The following NPLOC4 variants were observed in gnomAD, a reference collection of about 807,000 sequenced individuals.
NPLOC4 encodes nuclear protein localization protein 4 homolog.
In NPLOC4, 18 loss-of-function variants were observed where a neutral mutation model predicts 80.6. The ratio of observed to expected loss-of-function variants is 0.22; its 90% confidence interval spans 0.15 to 0.33. The LOEUF (loss-of-function observed/expected upper bound fraction) is 0.33. Ranked by LOEUF, NPLOC4 falls within the 10% of genes least tolerant of loss-of-function variation. The pLI is 1.00. For synonymous variants in NPLOC4, 313 were observed against 301.5 expected (o/e 1.04, Z -0.39); for missense variants, 540 against 786.1 (o/e 0.69, Z 3.74).
chr17:81,627,817 T>A (rs2035833961), intron 2 of NPLOC4, among the ~76,000 whole-genome samples: 1 of 151,978 alleles, frequency 6.6e-6, no homozygotes, highest in African/African-American at 2.4e-5. Flanking sequence ...ACACCTGTAA[T>A]CCCAGCTACT....
At chr17:81,614,026 C>T (rs1349262764) in intron 3 of NPLOC4, among the ~76,000 whole-genome samples, 1 of 152,068 alleles carries the variant, frequency 6.6e-6, no homozygotes, top group East Asian at 1.9e-4. Flanking sequence ...CCTGTAATCC[C>T]AGCACTTTGG....
At position 81,559,272 on chromosome 17, in the gene NPLOC4, A is replaced by G; in HGVS notation, c.1814T>C (p.Leu605Pro). The G allele has an allele frequency of 6.2e-7, 1 of 1,603,476 alleles. No individual in the cohort carries two copies. Among genetic ancestry groups the G allele is most frequent in the Non-Finnish European group, 8.5e-7 (1 of 1,175,718 alleles). ...PGTGHCEMCSLPRT is the reference protein window; with the variant it reads ...PGTGHCEMCSPPRT ...AGGGCAGGCGCCCTAGGTCCTGGGGAGGCTGCACATCTCGCAGTGGCCTGT... is the reference window on the plus strand; with the variant it reads ...AGGGCAGGCGCCCTAGGTCCTGGGGGGGCTGCACATCTCGCAGTGGCCTGT... Residue 605 changes from leucine to proline, a missense_variant, in exon 17 of 17, where the codon CTC (leucine) becomes CCC (proline). Physicochemically the swap from Leu to Pro is moderately conservative, Grantham distance 98. This residue lies in a region of NPLOC4 where 87 missense variants were observed against 70.3 expected (regional missense o/e 1.24). Transcript: ENST00000331134.
intron 5 of NPLOC4, 86 bp from the exon 6 acceptor site, chr17:81,608,908 C>G: frequency 9.7e-7 from 1 of 1,029,514 alleles, no homozygotes; most frequent in Non-Finnish European, 1.5e-6. Context: ...AGGGGGAGGC[C>G]AGCAGCATGG....
chr17:81,618,502 C>T (rs1305915379), intron 3 of NPLOC4, among the ~76,000 whole-genome samples: 2 of 149,912 alleles, frequency 1.3e-5, no homozygotes, highest in Non-Finnish European at 3.0e-5. Flanking sequence ...TCAGCGACCC[C>T]GCCCGGCCAG....
At position 81,567,675 on chromosome 17, in the gene NPLOC4, G is replaced by A; in HGVS notation, c.1450-142C>T. On this transcript the variant is annotated intron_variant, in intron 14 of 16. Coordinates refer to ENST00000331134, the MANE Select transcript of NPLOC4 (RefSeq NM_017921.4). The surrounding 1 kb of genome is among the most constrained non-coding windows in gnomAD (Gnocchi z 4.5). ...CCTCTGCCTCTGCAACCACGAACAG[G>A]GTCCAAGAAAGAGGAGCAGGCAGCT... The A allele has an allele frequency of 1.6e-6, 1 of 614,002 alleles. No individual in the cohort carries two copies. The highest frequency in any genetic ancestry group is 2.9e-6 in the Non-Finnish European group (1 of 340,336). The allele number at this position is 614,002 out of a possible 1,614,324, so 38.0% of individuals were successfully genotyped here.
chr17:81,621,614 G>T (rs1051246973), intron 3 of NPLOC4, among the ~76,000 whole-genome samples: 1 of 152,192 alleles, frequency 6.6e-6, no homozygotes, highest in African/African-American at 2.4e-5. Flanking sequence ...CAGGCCTCAC[G>T]GTCTATCACA....
rs1233257900 is a variant in NPLOC4, at chr17:81,557,372, A to G, written c.*1887T>C. 1 of 152,512 alleles carries G rather than the reference A, an allele frequency of 6.6e-6. No individual in the cohort carries two copies. The highest frequency in any genetic ancestry group is 1.5e-5 in the Non-Finnish European group (1 of 68,060). 9.4% of individuals were successfully genotyped at this position (152,512 alleles called of 1,614,324 possible). A position where few individuals can be genotyped will look rare whatever the true frequency, so the allele number is the denominator to read the frequency against. On this transcript the variant is annotated 3_prime_UTR_variant, in exon 17 of 17. Transcript: ENST00000331134. ...ATCGCCAATGCTTTTCCTTTAGCTA[A>G]AAGACAAAAGAAAACATGAATGATG...
chr17:81,576,551 G>A (rs1032149864), intron 12 of NPLOC4, among the ~76,000 whole-genome samples: 1 of 152,128 alleles, frequency 6.6e-6, no homozygotes, highest in Non-Finnish European at 1.5e-5. Context: ...TCCAAAGTAC[G>A]ATGACAAAGG....
chr17:81,629,013 G>A (rs779339591), intron 2 of NPLOC4, among the ~76,000 whole-genome samples: 5 of 151,416 alleles, frequency 3.3e-5, no homozygotes, highest in Non-Finnish European at 7.4e-5. Context: ...CCAGCAGCTG[G>A]GACTACAGGT....
rs372108702 is a variant in NPLOC4, at chr17:81,559,432, G to T, written c.1670-16C>A. On this transcript the variant is annotated splice_polypyrimidine_tract_variant and intron_variant, in intron 16 of 16. Coordinates refer to ENST00000331134, the MANE Select transcript of NPLOC4 (RefSeq NM_017921.4). ...CCAACTGTGCCTGCAGGGTGGAAGA[G>T]AAATGAGCACTCATCATTTCTGGCC... 1.9e-6 allele frequency: 3 copies of T among 1,604,100 alleles called. No individual in the cohort carries two copies. Among genetic ancestry groups the T allele is most frequent in the Non-Finnish European group, 2.6e-6 (3 of 1,175,164 alleles).
At chr17:81,594,290 A>AAAAAC (rs2034833799) in intron 11 of NPLOC4, among the ~76,000 whole-genome samples, 1 of 150,430 alleles carries the variant, frequency 6.6e-6, no homozygotes, top group African/African-American at 2.4e-5. Flanking sequence ...AAAAAAAAAA[A>AAAAAC]AAAAAAAAAA....
intron 4 of NPLOC4, among the ~76,000 whole-genome samples, chr17:81,611,941 C>T (rs1255282946): frequency 7.9e-6 from 1 of 127,144 alleles, no homozygotes; most frequent in South Asian, 2.4e-4. Flanking sequence ...GCCTGGGTGA[C>T]AGAGCGAGAG....
chr17:81,636,807 A>C, intron 1 of NPLOC4, 109 bp downstream of exon 1: 1 of 1,182,420 alleles, frequency 8.5e-7, no homozygotes, highest in Non-Finnish European at 1.1e-6. Context: ...GAGAGAAGAG[A>C]AAGGGGCCGA....
chr17:81,599,952 G>C (rs1275780967), intron 9 of NPLOC4, among the ~76,000 whole-genome samples: 5 of 152,210 alleles, frequency 3.3e-5, no homozygotes, highest in Non-Finnish European at 5.9e-5. Flanking sequence ...CGGCTTCCAA[G>C]CTACATGAAG....
chr17:81,633,622 A>G (rs2035987387), intron 1 of NPLOC4, among the ~76,000 whole-genome samples: 1 of 152,214 alleles, frequency 6.6e-6, no homozygotes, highest in Admixed American at 6.5e-5. Flanking sequence ...TGGTAACTTA[A>G]GTTTCCCTAT....
intron 11 of NPLOC4, among the ~76,000 whole-genome samples, chr17:81,593,815 G>A (rs568391792): frequency 7.9e-5 from 12 of 151,744 alleles, no homozygotes; most frequent in African/African-American, 2.9e-4. Flanking sequence ...CCCACTGCCT[G>A]ATGCCCCAGC....
intron 2 of NPLOC4, among the ~76,000 whole-genome samples, chr17:81,628,810 A>C (rs2035861758): frequency 6.6e-6 from 1 of 152,174 alleles, no homozygotes; most frequent in Admixed American, 6.5e-5. Context: ...TCCTGGACAC[A>C]ATGCAGGTCA....
Position 81,618,381 on chromosome 17 carries a change from T to C in NPLOC4, c.209+3785A>G, listed in dbSNP as rs1428450617. On this transcript the variant is annotated intron_variant, in intron 3 of 16. Coordinates refer to ENST00000331134, the MANE Select transcript of NPLOC4 (RefSeq NM_017921.4). ...CTGGGAGGTGAGGAGCGTCTCTGCC[T>C]GGCCGCCCCGTCTGAGAAGTGAGGA... 2.8e-4 allele frequency among the ~76,000 whole-genome samples: 40 copies of C among 144,936 alleles called. 1 individual carries two copies. Among genetic ancestry groups the C allele is most frequent in the Admixed American group, 9.5e-4 (14 of 14,690 alleles).
intron 4 of NPLOC4, among the ~76,000 whole-genome samples, chr17:81,611,435 C>T (rs904465652): frequency 2.6e-5 from 4 of 151,670 alleles, no homozygotes; most frequent in South Asian, 2.1e-4. Flanking sequence ...ATGCAACCTC[C>T]GCCTCCTCGT....
Sources: gnomAD v4.1 joint callset for allele counts (sites outside exome capture counted in the v4.1 genomes callset) on GRCh38, gnomAD v4.1.1 for gene constraint, gnomAD v4.1.1 regional missense constraint, Gnocchi (gnomAD v3.1) non-coding constraint, MANE v1.5 for transcripts, NCBI Gene and HGNC (gene_info 2026-07-23, HGNC 2026-07-21) for gene names.